Variants in DGKB observed in about 807,000 individuals in gnomAD.
The protein encoded by DGKB is 90 kDa diacylglycerol kinase.
Under a neutral mutation model 114.3 loss-of-function variants are expected in DGKB, and 67 were observed. The ratio of observed to expected loss-of-function variants is 0.59; its 90% CI spans 0.48 to 0.72. The LOEUF is 0.72. Ranked by LOEUF, DGKB falls within the 30% of genes least tolerant of loss-of-function variation. DGKB has a pLI of 0.00. For synonymous variants in DGKB, 398 were observed against 323.1 expected (o/e 1.23, Z -2.49); for missense variants, 907 against 975.2 (o/e 0.93, Z 0.93).
chr7:14,400,904 G>C (rs964972312), intron 21 of DGKB, among the ~76,000 whole-genome samples: 1 of 151,736 alleles, frequency 6.6e-6, no homozygotes, highest in East Asian at 1.9e-4. Context: ...TTCAGTGGGG[G>C]GTCCAGAGAT....
intron 25 of DGKB, among the ~76,000 whole-genome samples, chr7:14,159,156 G>A (rs976646367): frequency 1.3e-5 from 2 of 152,020 alleles, no homozygotes; most frequent in African/African-American, 4.8e-5. Flanking sequence ...AGGTCCTGCT[G>A]TTCTGCTCCC....
chr7:14,429,176 C>T (rs1368636661), intron 21 of DGKB, among the ~76,000 whole-genome samples: 1 of 152,018 alleles, frequency 6.6e-6, no homozygotes, highest in African/African-American at 2.4e-5. Context: ...GTTTGAGTCC[C>T]CCCAAAATGT....
chr7:14,667,722 G>A (rs1818281328), intron 13 of DGKB, among the ~76,000 whole-genome samples: 1 of 152,136 alleles, frequency 6.6e-6, no homozygotes, highest in Non-Finnish European at 1.5e-5. Context: ...ATCAGCTGGA[G>A]CTGATTAAGC....
intron 23 of DGKB, chr7:14,268,998 T>C (rs1278164782): frequency 6.6e-6 from 1 of 152,204 alleles, no homozygotes; most frequent in African/African-American, 2.4e-5. Flanking sequence ...TCTGTCATGA[T>C]GATTCAGGTA....
rs1402435485 is a variant in DGKB at position 14,470,510 on chromosome 7, T to C, written c.1835+7651A>G. Among the ~76,000 whole-genome samples the C allele has an allele frequency of 4.0e-5, 6 of 151,872 alleles. 1 individual carries two copies. The highest frequency in any genetic ancestry group is 3.9e-4 in the Admixed American group (6 of 15,226). The stretch of plus-strand genomic sequence containing the variant: ...TACTTTCACTGTTTTTAATAGATTG[T>C]GAATGTCAGTAATTTAAAAATCAAT... On this transcript the variant is annotated intron_variant, in intron 21 of 25. Transcript: ENST00000402815.
intron 20 of DGKB, among the ~76,000 whole-genome samples, chr7:14,495,860 T>C (rs564364843): frequency 4.6e-5 from 7 of 151,926 alleles, no homozygotes; most frequent in African/African-American, 1.7e-4. Flanking sequence ...TGCGTATTAT[T>C]GACAGAACAT....
chr7:14,689,111 A>G (rs183272232), intron 9 of DGKB, among the ~76,000 whole-genome samples: 164 of 151,900 alleles, frequency 1.1e-3, no homozygotes, highest in African/African-American at 3.9e-3. Flanking sequence ...CTTCCAACTC[A>G]TTAAATAACA....
chr7:14,389,990 C>G (rs1821076546), intron 21 of DGKB, among the ~76,000 whole-genome samples: 1 of 152,156 alleles, frequency 6.6e-6, no homozygotes, highest in South Asian at 2.1e-4. Flanking sequence ...ACACTTCCAA[C>G]ACAGTGAGGG....
At chr7:14,551,454 C>T (rs1795092026) in intron 20 of DGKB, among the ~76,000 whole-genome samples, 1 of 152,158 alleles carries the variant, frequency 6.6e-6, no homozygotes, top group Non-Finnish European at 1.5e-5. Context: ...TATTGCCTTG[C>T]TTGTTTCTTC....
intron 13 of DGKB, among the ~76,000 whole-genome samples, chr7:14,656,660 G>A (rs1343613368): frequency 6.6e-6 from 1 of 151,070 alleles, no homozygotes; most frequent in African/African-American, 2.4e-5. Context: ...AACCAAATGT[G>A]GCACAAGTTT....
chr7:14,935,114 T>C (rs1055427019), intron 1 of DGKB, among the ~76,000 whole-genome samples: 6 of 152,178 alleles, frequency 3.9e-5, no homozygotes, highest in Non-Finnish European at 5.9e-5. Context: ...TCTCTTTATG[T>C]GTTCTAATGA....
intron 2 of DGKB, among the ~76,000 whole-genome samples, chr7:14,808,738 A>G (rs1403576080): frequency 1.3e-5 from 2 of 152,170 alleles, no homozygotes; most frequent in Non-Finnish European, 2.9e-5. Flanking sequence ...TTTGGCCAGC[A>G]GACGCCAAGA....
Position 14,718,630 on chromosome 7 carries a change from A to T in DGKB, c.378T>A (p.Asn126Lys), listed in dbSNP as rs764522255. 4.3e-6 allele frequency: 7 copies of T among 1,612,358 alleles called. No homozygotes were observed. The African/African-American group carries it at 9.4e-5, about 22-fold the overall frequency. The change falls in exon 6 of 26, where the codon AAT becomes AAA. Residue 126 changes from asparagine (N) to lysine (K), a missense_variant. By Grantham distance (94) the Asn-to-Lys change is moderately conservative. This residue lies in a region of DGKB where 814 missense variants were observed against 856.6 expected (regional missense o/e 0.95). Coordinates refer to ENST00000402815, the MANE Select transcript of DGKB (RefSeq NM_001350709.2). The part of the protein sequence containing the change: ...ITPPRTTSPA[N>K]TCSPEVIHLK... ...GATGGATTACTTCTGGGGAACACGTATTTGCAGGAGAAGTAGTCCGGGGAG... is the reference window on the plus strand; with the variant it reads ...GATGGATTACTTCTGGGGAACACGTTTTTGCAGGAGAAGTAGTCCGGGGAG...
chr7:14,758,954 C>T (rs956637270), intron 2 of DGKB, among the ~76,000 whole-genome samples: 5 of 141,910 alleles, frequency 3.5e-5, no homozygotes, highest in East Asian at 4.0e-4. Context: ...GATAGAGTTT[C>T]GCTCTTGTTA....
intron 23 of DGKB, among the ~76,000 whole-genome samples, chr7:14,225,786 A>C (rs1166109863): frequency 1.3e-5 from 2 of 152,030 alleles, no homozygotes; most frequent in African/African-American, 4.8e-5. Context: ...TGTCTACCAC[A>C]CAAAGGCCTA....
chr7:14,505,179 C>T (rs982879141), intron 20 of DGKB, among the ~76,000 whole-genome samples: 1 of 152,146 alleles, frequency 6.6e-6, no homozygotes, highest in African/African-American at 2.4e-5. Context: ...ACTTGGCCAG[C>T]TGCAGTGGCT....
intron 21 of DGKB, among the ~76,000 whole-genome samples, chr7:14,399,748 T>C (rs1350511551): frequency 1.3e-5 from 2 of 151,982 alleles, no homozygotes; most frequent in East Asian, 1.9e-4. Context: ...GAAAATCTAC[T>C]TCAACAGGGT....
intron 21 of DGKB, among the ~76,000 whole-genome samples, chr7:14,371,131 T>A (rs1817567607): frequency 6.6e-6 from 1 of 152,146 alleles, no homozygotes; most frequent in Non-Finnish European, 1.5e-5. Context: ...AACGAACATA[T>A]GAGTGCAGGT....
chr7:14,306,320 A>G (rs1804464148), intron 23 of DGKB, among the ~76,000 whole-genome samples: 2 of 152,254 alleles, frequency 1.3e-5, no homozygotes, highest in South Asian at 4.1e-4. Flanking sequence ...GGAACAAAAT[A>G]AAAAAACATT....
Sources: allele counts gnomAD v4.1 joint callset (sites outside exome capture counted in the v4.1 genomes callset), GRCh38; gene constraint gnomAD v4.1.1; regional missense constraint gnomAD v4.1.1; transcripts MANE v1.5; gene names NCBI Gene and HGNC (gene_info 2026-07-23, HGNC 2026-07-21).